Variants in DLGAP1 observed in about 807,000 individuals in gnomAD.
DLGAP1 encodes disks large-associated protein 1.
Under a neutral mutation model 90.8 loss-of-function variants are expected in DLGAP1, and 11 were observed. The observed-to-expected ratio is 0.12, with a 90% CI of 0.08 to 0.20. The LOEUF is 0.20. Among genes scored for constraint, DLGAP1 ranks in the 10% least tolerant of loss-of-function variants. The pLI is 1.00. For missense variants in DLGAP1, 1,050 were observed against 1,333.8 expected, an observed-to-expected ratio of 0.79 and a Z score of 3.31; for synonymous variants, 558 against 540.7, an observed-to-expected ratio of 1.03 and a Z score of -0.44.
intron 4 of DLGAP1, among the ~76,000 whole-genome samples, chr18:3,844,716 A>G (rs2068910325): frequency 6.6e-6 from 1 of 152,206 alleles, no homozygotes; most frequent in African/African-American, 2.4e-5. Context: ...CCTAAACTGA[A>G]GCTGTGGAAT....
chr18:3,837,725 G>T (rs969809074), intron 4 of DLGAP1, among the ~76,000 whole-genome samples: 2 of 151,584 alleles, frequency 1.3e-5, no homozygotes, highest in Non-Finnish European at 2.9e-5. Flanking sequence ...GGTGGTGTGT[G>T]CCTGTAAAGC....
rs148484805 is a variant in DLGAP1 at position 4,425,280 on chromosome 18, T to C, written c.-267+29726A>G. On this transcript the variant is annotated intron_variant, in intron 1 of 12. Transcript: ENST00000315677. ...AAATCCAACTGTAAAACTAACTGTTTAATATTTGGCCACTTTGGTCTGAAG... is the reference window on the plus strand; with the variant it reads ...AAATCCAACTGTAAAACTAACTGTTCAATATTTGGCCACTTTGGTCTGAAG... Among the ~76,000 whole-genome samples the C allele has an allele frequency of 4.0e-3, 614 of 152,228 alleles. 2 individuals are homozygous for C. The highest frequency in any genetic ancestry group is 5.4e-3 in the Non-Finnish European group (370 of 68,026).
intron 1 of DLGAP1, among the ~76,000 whole-genome samples, chr18:4,371,128 G>A (rs1411263282): frequency 6.6e-6 from 1 of 152,212 alleles, no homozygotes; most frequent in African/African-American, 2.4e-5. Context: ...ACAACAATTA[G>A]TTGTCTTAAG....
intron 2 of DLGAP1, among the ~76,000 whole-genome samples, chr18:4,021,561 T>C (rs1237440891): frequency 6.6e-6 from 1 of 152,146 alleles, no homozygotes; most frequent in Non-Finnish European, 1.5e-5. Context: ...CTTTGTAAAA[T>C]TGCCTGGTCT....
rs557560893 is a variant in DLGAP1 at position 4,127,896 on chromosome 18, G to A, written c.-159+23284C>T. ...CACATGTAAAACATTCATTTTACATGGTTCAACACTATGCAACAGGTTCAT... is the reference window on the plus strand; with the variant it reads ...CACATGTAAAACATTCATTTTACATAGTTCAACACTATGCAACAGGTTCAT... On this transcript the variant is annotated intron_variant, in intron 2 of 12. Coordinates refer to ENST00000315677, the MANE Select transcript of DLGAP1 (RefSeq NM_004746.4). Among the ~76,000 whole-genome samples, 10 of 152,216 alleles carry A rather than the reference G, an allele frequency of 6.6e-5. 1 individual carries two copies. The highest frequency in any genetic ancestry group is 2.4e-4 in the African/African-American group (10 of 41,538).
chr18:4,363,511 C>A (rs1260001446), intron 1 of DLGAP1, among the ~76,000 whole-genome samples: 1 of 152,122 alleles, frequency 6.6e-6, no homozygotes, highest in African/African-American at 2.4e-5. Context: ...ACTCATCTGA[C>A]AAAGGGCTAA....
At chr18:3,955,772 A>G (rs1327402071) in intron 3 of DLGAP1, among the ~76,000 whole-genome samples, 1 of 152,186 alleles carries the variant, frequency 6.6e-6, no homozygotes, top group Non-Finnish European at 1.5e-5. Flanking sequence ...CCAATTGAAC[A>G]TCTAGAGAGA....
At chr18:4,334,625 A>G (rs1568520645) in intron 1 of DLGAP1, among the ~76,000 whole-genome samples, 1 of 151,784 alleles carries the variant, frequency 6.6e-6, no homozygotes, top group Non-Finnish European at 1.5e-5. Context: ...TTTGCATTCT[A>G]CTGAGGGATC....
At chr18:4,410,311 A>C (rs1353409260) in intron 1 of DLGAP1, among the ~76,000 whole-genome samples, 3 of 152,204 alleles carry the variant, frequency 2.0e-5, no homozygotes, top group African/African-American at 7.2e-5. Context: ...GAAAAATAAA[A>C]AAATTGGTAG....
chr18:4,269,679 C>G (rs2079230120), intron 1 of DLGAP1, among the ~76,000 whole-genome samples: 1 of 151,992 alleles, frequency 6.6e-6, no homozygotes, highest in East Asian at 1.9e-4. Flanking sequence ...TTTATTTTCA[C>G]CGAGAAATAA....
intron 11 of DLGAP1, among the ~76,000 whole-genome samples, chr18:3,506,962 A>T (rs2050262156): frequency 6.6e-6 from 1 of 151,992 alleles, no homozygotes; most frequent in Admixed American, 6.6e-5. Context: ...TTTCTGAAAA[A>T]TTGGAAGAAG....
intron 7 of DLGAP1, among the ~76,000 whole-genome samples, chr18:3,699,457 A>G (rs1005707335): frequency 6.6e-6 from 1 of 152,130 alleles, no homozygotes; most frequent in Non-Finnish European, 1.5e-5. Flanking sequence ...TTGCCTGGGT[A>G]TCACCAGCGG....
rs945089207 is a variant in DLGAP1, at chr18:4,013,240, C to A, written c.-158-8039G>T. 1.6e-4 allele frequency among the ~76,000 whole-genome samples: 25 copies of A among 152,238 alleles called. No homozygotes were observed. In the South Asian group the frequency reaches 2.1e-3, roughly 13 times the overall value. On this transcript the variant is annotated intron_variant, in intron 2 of 12. Coordinates refer to ENST00000315677, the MANE Select transcript of DLGAP1 (RefSeq NM_004746.4). ...ATTGTTTGCCGGGTACTATTATAAGCATTTACATACGCAATCATTTAATAT... is the reference window on the plus strand; with the variant it reads ...ATTGTTTGCCGGGTACTATTATAAGAATTTACATACGCAATCATTTAATAT...
chr18:3,641,936 C>T lies in DLGAP1; in HGVS notation c.1592-59688G>A, dbSNP rs191574350. 2.3e-3 allele frequency among the ~76,000 whole-genome samples: 352 copies of T among 152,258 alleles called. 1 individual carries two copies. The highest frequency in any genetic ancestry group is 3.0e-3 in the Non-Finnish European group (207 of 68,020). On this transcript the variant is annotated intron_variant, in intron 7 of 12. Coordinates refer to ENST00000315677, the MANE Select transcript of DLGAP1 (RefSeq NM_004746.4). The stretch of plus-strand genomic sequence containing the variant: ...AAAAATTTAGTTAAATGCCTTTGGA[C>T]GCTAAATCTCTAACCGGTCTCTGTG...
intron 2 of DLGAP1, among the ~76,000 whole-genome samples, chr18:4,056,111 T>C (rs1169542053): frequency 1.3e-5 from 2 of 152,012 alleles, no homozygotes; most frequent in African/African-American, 2.4e-5. Context: ...CAAACACTGA[T>C]GATGAGGTGA....
At chr18:4,087,057 A>ACACACATACATACATATATG (rs2075693978) in intron 2 of DLGAP1, among the ~76,000 whole-genome samples, 1 of 99,014 alleles carries the variant, frequency 1.0e-5, no homozygotes, top group Non-Finnish European at 2.4e-5. Context: ...ACACATATAT[A>ACACACATACATACATATATG]TATACACACA....
intron 1 of DLGAP1, among the ~76,000 whole-genome samples, chr18:4,265,468 CCCTT>C (rs113453447): frequency 0.019 from 2,703 of 139,052 alleles, 50 homozygotes; most frequent in East Asian, 0.028. Context: ...TGCACCCAGC[CCCTT>C]CCTTCCTTCC....
chr18:4,111,077 A>G (rs11081095), intron 2 of DLGAP1, among the ~76,000 whole-genome samples: 74,228 of 151,828 alleles, frequency 0.49, 19,185 homozygotes, highest in African/African-American at 0.67. Flanking sequence ...TATCAAGTGG[A>G]GGAAGCTGCC....
chr18:4,076,876 G>T (rs532890975), intron 2 of DLGAP1, among the ~76,000 whole-genome samples: 1 of 152,002 alleles, frequency 6.6e-6, no homozygotes, highest in African/African-American at 2.4e-5. Flanking sequence ...CACCTGCCTC[G>T]GCCTCCCAAA....
Sources: allele counts gnomAD v4.1 joint callset (sites outside exome capture counted in the v4.1 genomes callset), GRCh38; gene constraint gnomAD v4.1.1; transcripts MANE v1.5; gene names NCBI Gene and HGNC (gene_info 2026-07-23, HGNC 2026-07-21).